SGCZ: variants seen among roughly 807,000 people sequenced by gnomAD.
SGCZ encodes sarcoglycan zeta, also known as zeta-sarcoglycan.
Under a neutral mutation model 41.3 loss-of-function variants are expected in SGCZ, and 40 were observed. The ratio of observed to expected loss-of-function variants is 0.97; its 90% confidence interval spans 0.75 to 1.26. The LOEUF (loss-of-function observed/expected upper bound fraction) is 1.26, where lower values mean the gene tolerates loss of function less well. Ranked by LOEUF, SGCZ falls within the 50% of genes most tolerant of loss-of-function variation. The pLI is 0.00. For missense variants in SGCZ, 552 were observed against 369.8 expected (o/e 1.49, Z -4.04); for synonymous variants, 206 against 137.5 (o/e 1.50, Z -3.49).
chr8:14,235,872 A>T (rs1245738895), intron 4 of SGCZ, among the ~76,000 whole-genome samples: 1 of 152,012 alleles, frequency 6.6e-6, no homozygotes, highest in Non-Finnish European at 1.5e-5. Flanking sequence ...TTTAGTAGAG[A>T]TGGGGTTTCA....
chr8:15,233,971 A>G (rs554171853), intron 1 of SGCZ, among the ~76,000 whole-genome samples: 3 of 152,328 alleles, frequency 2.0e-5, no homozygotes, highest in Admixed American at 2.0e-4. Context: ...AATTCTTAGC[A>G]TCTGAAAGCA....
At chr8:14,122,119 T>C (rs141675180) in intron 5 of SGCZ, among the ~76,000 whole-genome samples, 225 of 152,028 alleles carry the variant, frequency 1.5e-3, no homozygotes, top group African/African-American at 5.1e-3. Flanking sequence ...CTACTAAAAA[T>C]ACAAAAAAAT....
chr8:15,095,142 A>G (rs1806295601), intron 1 of SGCZ, among the ~76,000 whole-genome samples: 1 of 152,152 alleles, frequency 6.6e-6, no homozygotes, highest in African/African-American at 2.4e-5. Flanking sequence ...CTTGTTGCCC[A>G]GGCTGGAGTG....
chr8:14,422,758 ATC>A (rs1799669445), intron 2 of SGCZ, among the ~76,000 whole-genome samples: 1 of 152,178 alleles, frequency 6.6e-6, no homozygotes, highest in African/African-American at 2.4e-5. Context: ...GTTACCCCAG[ATC>A]TCTTTTAGTT....
At chr8:14,669,803 A>C (rs543890469) in intron 1 of SGCZ, among the ~76,000 whole-genome samples, 68 of 152,086 alleles carry the variant, frequency 4.5e-4, no homozygotes, top group African/African-American at 1.6e-3. Flanking sequence ...CTATGTTGAA[A>C]TGGGAGTGCA....
intron 1 of SGCZ, among the ~76,000 whole-genome samples, chr8:14,611,211 T>C (rs555094042): frequency 6.6e-6 from 1 of 152,172 alleles, no homozygotes; most frequent in Non-Finnish European, 1.5e-5. Context: ...ACACTGAGTC[T>C]TTCCTCTATC....
chr8:14,603,976 G>GA (rs1332276898), intron 1 of SGCZ, among the ~76,000 whole-genome samples: 2 of 151,774 alleles, frequency 1.3e-5, no homozygotes, highest in African/African-American at 2.4e-5. Flanking sequence ...GTTACTATGT[G>GA]AAAAAAATAG....
At chr8:14,513,591 C>G (rs1456687806) in intron 2 of SGCZ, among the ~76,000 whole-genome samples, 1 of 114,952 alleles carries the variant, frequency 8.7e-6, no homozygotes, top group Non-Finnish European at 1.9e-5. Context: ...ATTTAATTAT[C>G]TAAGAAAGAG....
chr8:14,860,739 T>A (rs145187590), intron 1 of SGCZ, among the ~76,000 whole-genome samples: 12,311 of 99,214 alleles, frequency 0.12, 844 homozygotes, highest in African/African-American at 0.3. Context: ...AGAAAGAAAG[T>A]AAGTAAGTAA....
chr8:14,464,810 T>G (rs527672550), intron 2 of SGCZ, among the ~76,000 whole-genome samples: 4 of 151,768 alleles, frequency 2.6e-5, no homozygotes, highest in East Asian at 3.9e-4. Context: ...CTCTAAATAT[T>G]TTTATATCCC....
chr8:15,153,287 CA>C (rs1799234226), intron 1 of SGCZ, among the ~76,000 whole-genome samples: 1 of 152,118 alleles, frequency 6.6e-6, no homozygotes, highest in Non-Finnish European at 1.5e-5. Context: ...GCAACTAAAA[CA>C]AATGTCTAAT....
chr8:15,026,149 T>C (rs1803450315), intron 1 of SGCZ, among the ~76,000 whole-genome samples: 1 of 152,156 alleles, frequency 6.6e-6, no homozygotes, highest in African/African-American at 2.4e-5. Flanking sequence ...TTTTGATGTT[T>C]ATATCAAATC....
At chr8:14,190,009 TC>T (rs1221107790) in intron 4 of SGCZ, among the ~76,000 whole-genome samples, 6 of 67,850 alleles carry the variant, frequency 8.8e-5, no homozygotes, top group African/African-American at 3.2e-4. Flanking sequence ...TTTCTTTCTT[TC>T]TTTCTTTTTT....
intron 1 of SGCZ, among the ~76,000 whole-genome samples, chr8:14,723,768 G>A (rs1585210467): frequency 6.6e-6 from 1 of 151,814 alleles, no homozygotes; most frequent in South Asian, 2.1e-4. Flanking sequence ...ACATTTATAT[G>A]AGTTTTATGT....
chr8:14,158,331 A>T (rs1803938273), intron 5 of SGCZ, among the ~76,000 whole-genome samples: 1 of 152,132 alleles, frequency 6.6e-6, no homozygotes, highest in Non-Finnish European at 1.5e-5. Flanking sequence ...TAATAAATTG[A>T]CCTTAAAATA....
chr8:15,034,916 T>C (rs1803818938), intron 1 of SGCZ, among the ~76,000 whole-genome samples: 1 of 152,178 alleles, frequency 6.6e-6, no homozygotes, highest in African/African-American at 2.4e-5. Context: ...AAAACTGAAG[T>C]AATTCAGTAC....
chr8:15,231,156 C>G (rs1331602464), intron 1 of SGCZ, among the ~76,000 whole-genome samples: 1 of 152,212 alleles, frequency 6.6e-6, no homozygotes, highest in Admixed American at 6.5e-5. Flanking sequence ...GAATTAACTT[C>G]TAAGGCTGAA....
rs753201749 is a variant in SGCZ, at chr8:14,236,093, C to A, written c.424+1499G>T. Among the ~76,000 whole-genome samples, 3 of 152,182 alleles carry A rather than the reference C, an allele frequency of 2.0e-5. No individual in the cohort carries two copies. In the South Asian group the frequency reaches 6.2e-4, roughly 31 times the overall value. ...GTTCTCAACTTTAAGAAAATTAGGA[C>A]ATGGAAAATCTACTAAGGTTAGGCC... On this transcript the variant is annotated intron_variant, in intron 4 of 7. Coordinates refer to ENST00000382080, the MANE Select transcript of SGCZ (RefSeq NM_139167.4).
chr8:15,167,943 T>G (rs1799713980), intron 1 of SGCZ, among the ~76,000 whole-genome samples: 1 of 152,184 alleles, frequency 6.6e-6, no homozygotes, highest in Non-Finnish European at 1.5e-5. Flanking sequence ...AGGGTGCCCA[T>G]CACTTGGCGG....
Sources: gnomAD v4.1 joint callset for allele counts (sites outside exome capture counted in the v4.1 genomes callset) on GRCh38, gnomAD v4.1.1 for gene constraint, MANE v1.5 for transcripts, NCBI Gene and HGNC (gene_info 2026-07-23, HGNC 2026-07-21) for gene names.